SUB1: variants seen among roughly 807,000 people sequenced by gnomAD.
The protein encoded by SUB1 is activated RNA polymerase II transcriptional coactivator p15.
SUB1 carries 1 observed loss-of-function variant against 16.9 expected under a neutral mutation model. The observed-to-expected ratio is 0.06, with a 90% CI of 0.02 to 0.28. The LOEUF (loss-of-function observed/expected upper bound fraction) is 0.28. SUB1 is among the 10% of genes least tolerant of loss of function. The pLI, the probability that SUB1 is intolerant of heterozygous loss-of-function variation, is 1.00. For missense variants in SUB1, 84 were observed against 145.2 expected (o/e 0.58, Z 2.16); for synonymous variants, 51 against 46.9 (o/e 1.09, Z -0.36).
chr5:32,599,170 A>G (rs1739054285), intron 4 of SUB1, 101 bp downstream of exon 4: 1 of 789,192 alleles, frequency 1.3e-6, no homozygotes. Flanking sequence ...GGGGCAAGGA[A>G]GAGTCTTACT....
At chr5:32,600,749 G>T in intron 4 of SUB1, among the ~76,000 whole-genome samples, 1 of 151,914 alleles carries the variant, frequency 6.6e-6, no homozygotes, top group East Asian at 1.9e-4. Context: ...GATTACAGGT[G>T]CCCACCACCA....
chr5:32,594,113 T>C (rs1738898052), intron 3 of SUB1, among the ~76,000 whole-genome samples: 1 of 152,198 alleles, frequency 6.6e-6, no homozygotes, highest in Non-Finnish European at 1.5e-5. Flanking sequence ...CATAAGCAGT[T>C]CTCTAAATGT....
chr5:32,603,255 A>G lies in SUB1; in HGVS notation c.*2171A>G, dbSNP rs1444916343. On this transcript the variant is annotated 3_prime_UTR_variant, in exon 5 of 5. Coordinates refer to ENST00000265073, the MANE Select transcript of SUB1 (RefSeq NM_006713.4). Reference sequence around the variant, plus strand: ...GGAAAAGAGAACTGGGTTAAAAGCAAATTAACTTGTTCTGAAAAGAAAGTA... The same window carrying G: ...GGAAAAGAGAACTGGGTTAAAAGCAGATTAACTTGTTCTGAAAAGAAAGTA... The G allele has an allele frequency of 6.6e-6, 1 of 152,168 alleles. No individual in the cohort carries two copies. The highest frequency in any genetic ancestry group is 1.9e-4 in the East Asian group (1 of 5,204). The allele number at this position is 152,168 out of a possible 1,614,324, so 9.4% of individuals were successfully genotyped here.
At chr5:32,590,039 G>A (rs990607112) in intron 2 of SUB1, among the ~76,000 whole-genome samples, 2 of 152,146 alleles carry the variant, frequency 1.3e-5, no homozygotes, top group Non-Finnish European at 2.9e-5. Flanking sequence ...ACCCTATATA[G>A]TATTTGAGTA....
chr5:32,589,936 T>TA (rs1163219683), intron 2 of SUB1, among the ~76,000 whole-genome samples: 1 of 152,096 alleles, frequency 6.6e-6, no homozygotes, highest in African/African-American at 2.4e-5. Flanking sequence ...GTTGCAACCT[T>TA]AAAGTATAAA....
At chr5:32,599,849 C>T (rs2084760017) in intron 4 of SUB1, among the ~76,000 whole-genome samples, 1 of 152,034 alleles carries the variant, frequency 6.6e-6, no homozygotes, top group Admixed American at 6.6e-5. Context: ...CATGGCCTTC[C>T]AGCAGTTTTC....
intron 2 of SUB1, among the ~76,000 whole-genome samples, chr5:32,589,348 A>C (rs1240083335): frequency 6.6e-6 from 1 of 152,126 alleles, no homozygotes. Context: ...CAGACTCCCA[A>C]AGTGCTGGGA....
chr5:32,597,514 T>A (rs1336922295), intron 3 of SUB1: 1 of 151,874 alleles, frequency 6.6e-6, no homozygotes, highest in Non-Finnish European at 1.5e-5. Context: ...AATGCTGCTA[T>A]GAACATGGGT....
At chr5:32,600,086 A>G (rs909078488) in intron 4 of SUB1, among the ~76,000 whole-genome samples, 16 of 152,248 alleles carry the variant, frequency 1.1e-4, no homozygotes, top group Non-Finnish European at 2.1e-4. Flanking sequence ...TCTTTGGCGT[A>G]TAGATGCCAT....
At position 32,602,463 on chromosome 5, in the gene SUB1, C is replaced by G. The variant is rs1739139004; in HGVS notation, c.*1379C>G. 4.2e-6 allele frequency: 1 copy of G among 237,744 alleles called. No homozygotes were observed. The highest frequency in any genetic ancestry group is 2.3e-5 in the African/African-American group (1 of 43,650). The allele number at this position is 237,744 out of a possible 1,614,324, so 14.7% of individuals were successfully genotyped here. A position where few individuals can be genotyped will look rare whatever the true frequency, so the allele number is the denominator to read the frequency against. On this transcript the variant is annotated 3_prime_UTR_variant, in exon 5 of 5. Coordinates refer to ENST00000265073, the MANE Select transcript of SUB1 (RefSeq NM_006713.4). ...CTTGTTGACAAATTATTTTTGGTAG[C>G]AAATCTCAAATGGTTACCTGCTATT...
Position 32,602,379 on chromosome 5 carries a change from G to A in SUB1, c.*1295G>A. ...ATATTTTGAGATTTTTATAACAGCA[G>A]TGGAACACAATTCTAGGTAGAGTAG... On this transcript the variant is annotated 3_prime_UTR_variant, in exon 5 of 5. Coordinates refer to ENST00000265073, the MANE Select transcript of SUB1 (RefSeq NM_006713.4). 1 of 314,624 alleles carries A rather than the reference G, an allele frequency of 3.2e-6. No individual in the cohort carries two copies. 19.5% of individuals were successfully genotyped at this position (314,624 alleles called of 1,614,324 possible). A position where few individuals can be genotyped will look rare whatever the true frequency, so the allele number is the denominator to read the frequency against.
Position 32,599,172 on chromosome 5 carries a change from A to G in SUB1, c.304+103A>G. The G allele has an allele frequency of 7.9e-6, 6 of 759,072 alleles. No homozygotes were observed. The South Asian group carries it at 1.0e-4, about 13-fold the overall frequency. 47.0% of individuals were successfully genotyped at this position (759,072 alleles called of 1,614,324 possible). A position where few individuals can be genotyped will look rare whatever the true frequency, so the allele number is the denominator to read the frequency against. On this transcript the variant is annotated intron_variant, in intron 4 of 4. Transcript: ENST00000265073. ...TGGCAGGACACACGGGGCAAGGAAG[A>G]GTCTTACTCAATTGATTCTCTATCT...
rs201891162 is a variant in SUB1 at position 32,601,114 on chromosome 5, T to C, written c.*30T>C. On this transcript the variant is annotated 3_prime_UTR_variant, in exon 5 of 5. Coordinates refer to ENST00000265073, the MANE Select transcript of SUB1 (RefSeq NM_006713.4). Reference sequence around the variant, plus strand: ...CGAGCCATATAAATAAAACCTGTACTGTTCTAGTTGTTTTAATCTGTCTTT... The same window carrying C: ...CGAGCCATATAAATAAAACCTGTACCGTTCTAGTTGTTTTAATCTGTCTTT... 7.2e-6 allele frequency: 11 copies of C among 1,535,770 alleles called. No individual in the cohort carries two copies. Among genetic ancestry groups the C allele is most frequent in the Admixed American group, 3.5e-5 (2 of 57,474 alleles).
chr5:32,598,843 T>C lies in SUB1; in HGVS notation c.196-118T>C, dbSNP rs1333326670. 8.1e-6 allele frequency: 6 copies of C among 736,308 alleles called. No homozygotes were observed. In the Admixed American group the frequency reaches 1.6e-4, roughly 19 times the overall value. 45.6% of individuals were successfully genotyped at this position (736,308 alleles called of 1,614,324 possible). ...AGCCATGTTGTTCAAGGGTCAGCAG[T>C]AGTCATTTTCATGATTAGATGTAGA... On this transcript the variant is annotated intron_variant, in intron 3 of 4. Transcript: ENST00000265073.
chr5:32,593,985 C>T (rs966230531), intron 3 of SUB1, among the ~76,000 whole-genome samples: 3 of 152,120 alleles, frequency 2.0e-5, no homozygotes, highest in Non-Finnish European at 4.4e-5. Context: ...AGCCACGGCG[C>T]CCAGCCTAGG....
chr5:32,589,367 G>T (rs2111656528), intron 2 of SUB1, among the ~76,000 whole-genome samples: 1 of 148,424 alleles, frequency 6.7e-6, no homozygotes, highest in East Asian at 1.9e-4. Flanking sequence ...GATTACAGGT[G>T]TGAGCCATCA....
At chr5:32,597,600 G>A (rs979595257) in intron 3 of SUB1, 6 of 152,170 alleles carry the variant, frequency 3.9e-5, no homozygotes, top group African/African-American at 1.4e-4. Context: ...TGGATCATAT[G>A]ATAGTTTAAA....
At chr5:32,588,983 A>G (rs1230445538) in intron 2 of SUB1, among the ~76,000 whole-genome samples, 6 of 152,206 alleles carry the variant, frequency 3.9e-5, no homozygotes, top group African/African-American at 1.4e-4. Context: ...TAGGAACCCT[A>G]AAGTTGCAGA....
At chr5:32,588,017 T>A (rs1289139998) in intron 1 of SUB1, among the ~76,000 whole-genome samples, 1 of 152,236 alleles carries the variant, frequency 6.6e-6, no homozygotes, top group Non-Finnish European at 1.5e-5. Context: ...ATTAATTAGA[T>A]GTCACATTTG....
Sources: allele counts gnomAD v4.1 joint callset (sites outside exome capture counted in the v4.1 genomes callset), GRCh38; gene constraint gnomAD v4.1.1; transcripts MANE v1.5; gene names NCBI Gene and HGNC (gene_info 2026-07-23, HGNC 2026-07-21).